Variants in SHISA6 observed in about 807,000 individuals in gnomAD.
SHISA6 encodes shisa family member 6.
SHISA6 carries 22 observed loss-of-function variants against 47.9 expected under a neutral mutation model. The observed-to-expected ratio is 0.46, with a 90% confidence interval of 0.33 to 0.66. SHISA6 has a LOEUF of 0.66. Ranked by LOEUF, SHISA6 falls within the 30% of genes least tolerant of loss-of-function variation. SHISA6 has a pLI of 0.02. For missense variants in SHISA6, 680 were observed against 764.6 expected, an observed-to-expected ratio of 0.89 and a Z score of 1.30; for synonymous variants, 388 against 337.8, an observed-to-expected ratio of 1.15 and a Z score of -1.63.
chr17:11,291,507 G>C (rs1045356032), intron 2 of SHISA6, among the ~76,000 whole-genome samples: 2 of 151,924 alleles, frequency 1.3e-5, no homozygotes, highest in African/African-American at 4.8e-5. Flanking sequence ...GGTGGCGGGC[G>C]CCTGTAGTCC....
chr17:11,382,681 A>T (rs1913051733), intron 3 of SHISA6, among the ~76,000 whole-genome samples: 1 of 152,108 alleles, frequency 6.6e-6, no homozygotes, highest in African/African-American at 2.4e-5. Flanking sequence ...CTCTTCATCC[A>T]ACATTTTCCT....
At chr17:11,431,151 CT>C (rs950067555) in intron 3 of SHISA6, among the ~76,000 whole-genome samples, 1 of 152,192 alleles carries the variant, frequency 6.6e-6, no homozygotes, top group Non-Finnish European at 1.5e-5. Context: ...CATGTCCCCC[CT>C]GAGTCATCAG....
At chr17:11,524,323 T>G (rs2071657171) in intron 3 of SHISA6, among the ~76,000 whole-genome samples, 1 of 152,060 alleles carries the variant, frequency 6.6e-6, no homozygotes, top group African/African-American at 2.4e-5. Context: ...ATTTTTCTTC[T>G]ATAGGTTAAT....
chr17:11,421,809 T>C (rs906243973), intron 3 of SHISA6, among the ~76,000 whole-genome samples: 4 of 152,156 alleles, frequency 2.6e-5, no homozygotes, highest in African/African-American at 9.7e-5. Flanking sequence ...TTGGAGAGTA[T>C]GACTCCAGAA....
intron 3 of SHISA6, among the ~76,000 whole-genome samples, chr17:11,409,131 G>A (rs755204664): frequency 4.7e-4 from 71 of 151,964 alleles, no homozygotes; most frequent in African/African-American, 1.5e-3. Context: ...TCCATGTATC[G>A]TTGTGTCATT....
At chr17:11,500,772 T>G (rs147160539) in intron 3 of SHISA6, among the ~76,000 whole-genome samples, 113 of 152,340 alleles carry the variant, frequency 7.4e-4, no homozygotes, top group African/African-American at 2.5e-3. Context: ...GGTTGGTGGC[T>G]GGTGTGTTGC....
chr17:11,485,357 AG>A (rs897130836), intron 3 of SHISA6, among the ~76,000 whole-genome samples: 100 of 152,248 alleles, frequency 6.6e-4, no homozygotes, highest in African/African-American at 2.4e-3. Flanking sequence ...AGAAGCCAAG[AG>A]CAATTTCATG....
chr17:11,310,831 G>C (rs968476412), intron 2 of SHISA6, among the ~76,000 whole-genome samples: 1 of 151,980 alleles, frequency 6.6e-6, no homozygotes, highest in Non-Finnish European at 1.5e-5. Flanking sequence ...AAATTAGGCT[G>C]GGCGCTGTGG....
chr17:11,281,040 G>A (rs1909098925), intron 2 of SHISA6, among the ~76,000 whole-genome samples: 1 of 152,096 alleles, frequency 6.6e-6, no homozygotes, highest in African/African-American at 2.4e-5. Flanking sequence ...AACTTGCATA[G>A]TCCTATCAGT....
chr17:11,413,846 A>G (rs1025613230), intron 3 of SHISA6, among the ~76,000 whole-genome samples: 2 of 152,090 alleles, frequency 1.3e-5, no homozygotes, highest in South Asian at 2.1e-4. Context: ...TAAGAGGTGG[A>G]AAAATAGATC....
chr17:11,366,666 G>A (rs1912461228), intron 2 of SHISA6, among the ~76,000 whole-genome samples: 1 of 152,192 alleles, frequency 6.6e-6, no homozygotes, highest in South Asian at 2.1e-4. Context: ...GACAGATGGA[G>A]AAGAGTGGGT....
At chr17:11,285,941 A>T (rs1368639667) in intron 2 of SHISA6, among the ~76,000 whole-genome samples, 1 of 150,492 alleles carries the variant, frequency 6.6e-6, no homozygotes, top group Non-Finnish European at 1.5e-5. Flanking sequence ...GGTTCAAGCG[A>T]TTTTCCTGCC....
chr17:11,451,756 T>C (rs1057462254), intron 3 of SHISA6, among the ~76,000 whole-genome samples: 2 of 152,178 alleles, frequency 1.3e-5, no homozygotes, highest in African/African-American at 4.8e-5. Context: ...AGGCACAATA[T>C]AAGAAAGACT....
chr17:11,288,077 A>T (rs1461979005), intron 2 of SHISA6: 1 of 152,220 alleles, frequency 6.6e-6, no homozygotes, highest in Non-Finnish European at 1.5e-5. Flanking sequence ...AGCAAATTCC[A>T]GATATCACTT....
intron 3 of SHISA6, among the ~76,000 whole-genome samples, chr17:11,432,064 A>G (rs966178491): frequency 6.6e-6 from 1 of 152,194 alleles, no homozygotes; most frequent in South Asian, 2.1e-4. Flanking sequence ...ATTCAAACTC[A>G]CCCTGAAGGT....
At chr17:11,375,473 T>C (rs1394851888) in intron 2 of SHISA6, among the ~76,000 whole-genome samples, 1 of 152,222 alleles carries the variant, frequency 6.6e-6, no homozygotes, top group Non-Finnish European at 1.5e-5. Flanking sequence ...TTCCCCCTTA[T>C]GGCTGTTGGT....
At chr17:11,327,916 T>G (rs1021590006) in intron 2 of SHISA6, among the ~76,000 whole-genome samples, 3 of 151,814 alleles carry the variant, frequency 2.0e-5, no homozygotes, top group Admixed American at 6.6e-5. Context: ...TCTCTCTCTC[T>G]CTCTGTCTCT....
chr17:11,382,380 G>T (rs1913040609), intron 3 of SHISA6, among the ~76,000 whole-genome samples: 1 of 152,060 alleles, frequency 6.6e-6, no homozygotes, highest in Non-Finnish European at 1.5e-5. Flanking sequence ...CATCTGGCTT[G>T]AACTTCCCTT....
intron 3 of SHISA6, among the ~76,000 whole-genome samples, chr17:11,399,646 T>C (rs958655906): frequency 3.3e-5 from 5 of 152,152 alleles, no homozygotes; most frequent in African/African-American, 1.2e-4. Flanking sequence ...GGTCTCGAGC[T>C]CCTCACCTCA....
Sources: allele counts gnomAD v4.1 joint callset (sites outside exome capture counted in the v4.1 genomes callset), GRCh38; gene constraint gnomAD v4.1.1; transcripts MANE v1.5; gene names NCBI Gene and HGNC (gene_info 2026-07-23, HGNC 2026-07-21).